Variants in STPG2 observed in about 807,000 individuals in gnomAD.
The protein encoded by STPG2 is sperm tail PG-rich repeat containing 2.
In STPG2, 56 loss-of-function variants were observed where a neutral mutation model predicts 54.2. That is an observed-to-expected ratio of 1.03 (90% confidence interval 0.83 to 1.29). The LOEUF (loss-of-function observed/expected upper bound fraction) is 1.29, where lower values mean the gene tolerates loss of function less well. Among genes scored for constraint, STPG2 ranks in the 50% most tolerant of loss-of-function variants. The pLI is 0.00. For synonymous variants in STPG2, 200 were observed against 181.8 expected (o/e 1.10, Z -0.81); for missense variants, 596 against 544.9 (o/e 1.09, Z -0.93).
intron 9 of STPG2, among the ~76,000 whole-genome samples, chr4:97,779,134 G>A (rs1039630614): frequency 1.3e-5 from 2 of 152,160 alleles, no homozygotes; most frequent in Admixed American, 6.5e-5. Context: ...AAACTTCTCC[G>A]AGGTAAAGGA....
intron 4 of STPG2, among the ~76,000 whole-genome samples, chr4:97,516,203 G>T (rs1731071868): frequency 1.3e-5 from 2 of 152,038 alleles, no homozygotes; most frequent in Admixed American, 6.6e-5. Context: ...TTCAGTGAAA[G>T]AACTATTTCT....
chr4:98,077,997 A>G (rs1738226173), intron 5 of STPG2, among the ~76,000 whole-genome samples: 1 of 152,092 alleles, frequency 6.6e-6, no homozygotes, highest in Non-Finnish European at 1.5e-5. Context: ...AATAAATGTT[A>G]TCTCAGACAC....
At chr4:97,933,603 C>A (rs972684642) in intron 8 of STPG2, among the ~76,000 whole-genome samples, 2 of 152,154 alleles carry the variant, frequency 1.3e-5, no homozygotes, top group Non-Finnish European at 2.9e-5. Context: ...TTTCCCAGCA[C>A]CATTTATTAA....
rs1247027046 is a variant in STPG2 at position 97,690,999 on chromosome 4, C to T, written c.1320+21700G>A. Reference sequence around the variant, plus strand: ...CATTATTGCACCCGAGTGTCAATATCCTGTAAGAACGCAATTAGTGTGACT... The same window carrying T: ...CATTATTGCACCCGAGTGTCAATATTCTGTAAGAACGCAATTAGTGTGACT... On this transcript the variant is annotated intron_variant, in intron 10 of 10. Coordinates refer to ENST00000295268, the MANE Select transcript of STPG2 (RefSeq NM_174952.3). Among the ~76,000 whole-genome samples the T allele has an allele frequency of 2.0e-5, 3 of 152,246 alleles. No individual in the cohort carries two copies. In the South Asian group the frequency reaches 6.2e-4, roughly 32 times the overall value.
chr4:97,472,702 G>A (rs1729966798), intron 4 of STPG2, among the ~76,000 whole-genome samples: 1 of 152,126 alleles, frequency 6.6e-6, no homozygotes, highest in Admixed American at 6.6e-5. Context: ...GAAAAGACAA[G>A]GAGGAGCCCT....
chr4:97,567,941 C>T (rs1456770682), intron 10 of STPG2, among the ~76,000 whole-genome samples: 1 of 152,018 alleles, frequency 6.6e-6, no homozygotes, highest in Admixed American at 6.6e-5. Context: ...AGTAGGAGCC[C>T]TATTGAACCA....
At chr4:97,472,699 CAAG>C (rs1441019501) in intron 4 of STPG2, among the ~76,000 whole-genome samples, 1 of 152,118 alleles carries the variant, frequency 6.6e-6, no homozygotes, top group Non-Finnish European at 1.5e-5. Context: ...CATGAAAAGA[CAAG>C]GAGGAGCCCT....
intron 8 of STPG2, chr4:97,917,479 C>T (rs2079034672): frequency 6.6e-6 from 1 of 152,090 alleles, no homozygotes; most frequent in South Asian, 2.1e-4. Flanking sequence ...ACGGGTTCAA[C>T]ACCAGCAAAC....
At chr4:97,895,619 C>A (rs1348056773) in intron 8 of STPG2, among the ~76,000 whole-genome samples, 1 of 151,744 alleles carries the variant, frequency 6.6e-6, no homozygotes, top group Admixed American at 6.6e-5. Flanking sequence ...CTAGATTTTA[C>A]ATGCTGGCAT....
At chr4:97,889,530 C>CAAAG (rs1730691123) in intron 8 of STPG2, among the ~76,000 whole-genome samples, 1 of 152,098 alleles carries the variant, frequency 6.6e-6, no homozygotes, top group Admixed American at 6.6e-5. Context: ...GGATGAATCT[C>CAAAG]AAAGACATTA....
intron 8 of STPG2, among the ~76,000 whole-genome samples, chr4:97,938,496 G>C (rs991110254): frequency 1.0e-5 from 1 of 97,812 alleles, no homozygotes; most frequent in Non-Finnish European, 2.3e-5. Context: ...AGTGACGATG[G>C]CCACCCACCC....
intron 4 of STPG2, among the ~76,000 whole-genome samples, chr4:97,537,259 G>A (rs964394094): frequency 5.9e-5 from 9 of 152,272 alleles, no homozygotes; most frequent in South Asian, 2.1e-4. Context: ...CACCTCACCC[G>A]GGAAGCACAA....
chr4:98,139,395 T>G (rs937595314), intron 1 of STPG2, among the ~76,000 whole-genome samples: 1 of 152,164 alleles, frequency 6.6e-6, no homozygotes, highest in Non-Finnish European at 1.5e-5. Flanking sequence ...TCTAAGGTCT[T>G]TTCCTCTTGT....
intron 8 of STPG2, among the ~76,000 whole-genome samples, chr4:97,862,553 T>C (rs1339486006): frequency 1.3e-5 from 2 of 151,842 alleles, no homozygotes; most frequent in African/African-American, 2.4e-5. Context: ...AGAGAGTTAA[T>C]AAGGATATCC....
chr4:97,567,522 C>T (rs190485837), intron 10 of STPG2, among the ~76,000 whole-genome samples: 1 of 150,868 alleles, frequency 6.6e-6, no homozygotes, highest in African/African-American at 2.4e-5. Context: ...CATATTAGGC[C>T]AACAATAAGA....
chr4:97,694,812 C>CAAAAAAAAAAAAAAA (rs70953083), intron 10 of STPG2, among the ~76,000 whole-genome samples: 2 of 44,032 alleles, frequency 4.5e-5, no homozygotes, highest in Non-Finnish European at 8.5e-5. Flanking sequence ...GACTCTGTCA[C>CAAAAAAAAAAAAAAA]AAAAAAAAAA....
chr4:98,046,712 C>A (rs892008383), intron 5 of STPG2, among the ~76,000 whole-genome samples: 26 of 152,302 alleles, frequency 1.7e-4, no homozygotes, highest in Admixed American at 1.4e-3. Flanking sequence ...AATTTTATCT[C>A]ACTCACTCTG....
intron 4 of STPG2, among the ~76,000 whole-genome samples, chr4:97,469,370 T>C (rs1360759757): frequency 1.3e-5 from 2 of 152,122 alleles, no homozygotes; most frequent in African/African-American, 4.8e-5. Context: ...TGAAGGAATA[T>C]TGATAAAGCT....
chr4:97,487,556 A>G (rs1045665377), intron 4 of STPG2, among the ~76,000 whole-genome samples: 2 of 151,540 alleles, frequency 1.3e-5, no homozygotes, highest in African/African-American at 2.4e-5. Context: ...ACATCTTAAC[A>G]TCTCTAAAAT....
Sources: gnomAD v4.1 joint callset for allele counts (sites outside exome capture counted in the v4.1 genomes callset) on GRCh38, gnomAD v4.1.1 for gene constraint, MANE v1.5 for transcripts, NCBI Gene and HGNC (gene_info 2026-07-23, HGNC 2026-07-21) for gene names.